NLRP2: variants seen among roughly 807,000 people sequenced by gnomAD.
NLRP2 encodes NLR family pyrin domain containing 2.
Under a neutral mutation model 97.2 loss-of-function variants are expected in NLRP2, and 107 were observed. The ratio of observed to expected loss-of-function variants is 1.10; its 90% CI spans 0.94 to 1.29. The LOEUF is 1.29. Among genes scored for constraint, NLRP2 ranks in the 50% most tolerant of loss-of-function variants. The pLI, the probability that NLRP2 is intolerant of heterozygous loss-of-function variation, is 0.00. For synonymous variants in NLRP2, 663 were observed against 551.5 expected, an observed-to-expected ratio of 1.20 and a Z score of -2.83; for missense variants, 1,495 against 1,330.3, an observed-to-expected ratio of 1.12 and a Z score of -1.93.
chr19:54,993,172 TTG>T (rs1376182972), intron 10 of NLRP2: 1 of 151,030 alleles, frequency 6.6e-6, no homozygotes, highest in African/African-American at 2.4e-5. Context: ...TGAGCTGAGA[TTG>T]TGCCACTGTA....
intron 4 of NLRP2, among the ~76,000 whole-genome samples, chr19:54,979,558 G>C (rs2071443949): frequency 6.7e-6 from 1 of 149,440 alleles, no homozygotes; most frequent in African/African-American, 2.5e-5. Context: ...ACCATGTTGG[G>C]CAGGCTGGTC....
At chr19:54,966,939 T>G (rs899712505) in intron 1 of NLRP2, among the ~76,000 whole-genome samples, 3 of 149,138 alleles carry the variant, frequency 2.0e-5, no homozygotes, top group African/African-American at 7.4e-5. Context: ...CCTCTCAGGT[T>G]CAAGCAGTCC....
intron 7 of NLRP2, among the ~76,000 whole-genome samples, chr19:54,985,900 A>T (rs1214773247): frequency 2.0e-5 from 3 of 151,662 alleles, no homozygotes; most frequent in Admixed American, 6.6e-5. Flanking sequence ...CCGGATGCTG[A>T]GGGTAGGAGT....
chr19:54,974,100 A>G, intron 2 of NLRP2: 2 of 817,526 alleles, frequency 2.4e-6, no homozygotes, highest in Non-Finnish European at 4.1e-6. Context: ...TCACGCCTGT[A>G]ATCCCAACAC....
Position 54,985,027 on chromosome 19 carries a change from C to A in NLRP2, c.2031-20C>A. On this transcript the variant is annotated intron_variant, in intron 6 of 12. Coordinates refer to ENST00000448584, the MANE Select transcript of NLRP2 (RefSeq NM_017852.5). ...TGATGGACACACATTTGGTGTAACC[C>A]TTTCTTCTCTTCCCTATAGATCCCA... The A allele has an allele frequency of 3.1e-6, 5 of 1,613,392 alleles. 1 individual carries two copies. Among genetic ancestry groups the A allele is most frequent in the Non-Finnish European group, 4.2e-6 (5 of 1,179,704 alleles).
At chr19:54,988,334 C>T (rs2072234152) in intron 8 of NLRP2, among the ~76,000 whole-genome samples, 2 of 152,142 alleles carry the variant, frequency 1.3e-5, no homozygotes, top group South Asian at 4.1e-4. Context: ...GCTCTGTCTC[C>T]TAGGCTGGAG....
In NLRP2 at chr19:54,982,593, G is replaced by T. The variant is rs779179826; in HGVS notation, c.895G>T (p.Ala299Ser). 1.2e-6 allele frequency: 2 copies of T among 1,614,172 alleles called. No homozygotes were observed. The highest frequency in any genetic ancestry group is 1.7e-6 in the Non-Finnish European group (2 of 1,180,034). The change falls in exon 6 of 13, where the codon GCG becomes TCG. Residue 299 changes from alanine (A) to serine (S), a missense_variant. Coordinates refer to ENST00000448584, the MANE Select transcript of NLRP2 (RefSeq NM_017852.5). ...TGATGAGCTGGGAGCCGCACCTGGG[G>T]CGCTGATCGAGGACATCTGCGGGGA... Reference protein sequence around the residue: ...GFDELGAAPGALIEDICGDWE... With the variant: ...GFDELGAAPGSLIEDICGDWE...
rs760857427 is a variant in NLRP2 at position 54,982,752 on chromosome 19, A to G, written c.1054A>G (p.Ile352Val). Residue 352 changes from isoleucine (I) to valine (V), a missense_variant, in exon 6 of 13, where the codon ATC becomes GTC. Physicochemically the swap from Ile to Val is conservative, Grantham distance 29. Coordinates refer to ENST00000448584, the MANE Select transcript of NLRP2 (RefSeq NM_017852.5). ...RDLRILAEEP[I>V]YIRVEGFLEE... The stretch of plus-strand genomic sequence containing the variant: ...CCTCCGGATCCTGGCGGAGGAGCCG[A>G]TCTACATAAGGGTGGAGGGCTTCCT... 1.2e-6 allele frequency: 2 copies of G among 1,614,084 alleles called. No homozygotes were observed. Among genetic ancestry groups the G allele is most frequent in the Non-Finnish European group, 1.7e-6 (2 of 1,180,008 alleles).
At chr19:54,994,228 C>CA (rs1438992953) in intron 10 of NLRP2, 41 bp from the exon 11 acceptor site, 2 of 1,611,628 alleles carry the variant, frequency 1.2e-6, no homozygotes, top group Non-Finnish European at 1.7e-6. Context: ...AGTGAGAACT[C>CA]ACAGGTTCGG....
rs776885907 is a variant in NLRP2 at position 54,982,895 on chromosome 19, G to C, written c.1197G>C (p.Ala399=). ...AALFQLGSAP[A]VCWIVCTTLK... ...TGTTCCAGCTGGGCTCGGCCCCCGC[G>C]GTGTGCTGGATCGTGTGCACGACTC... Residue 399 remains alanine (A), a synonymous_variant, in exon 6 of 13, where the codon GCG becomes GCC. Transcript: ENST00000448584. The C allele has an allele frequency of 1.9e-6, 3 of 1,613,096 alleles. No homozygotes were observed. The highest frequency in any genetic ancestry group is 3.3e-5 in the Admixed American group (2 of 60,014).
rs2071957022 is a variant in NLRP2, at chr19:54,985,033, T to C, written c.2031-14T>C. 2 of 1,613,808 alleles carry C rather than the reference T, an allele frequency of 1.2e-6. No individual in the cohort carries two copies. The highest frequency in any genetic ancestry group is 8.5e-7 in the Non-Finnish European group (1 of 1,179,912). On this transcript the variant is annotated splice_polypyrimidine_tract_variant and intron_variant, in intron 6 of 12. Coordinates refer to ENST00000448584, the MANE Select transcript of NLRP2 (RefSeq NM_017852.5). ...ACACACATTTGGTGTAACCCTTTCT[T>C]CTCTTCCCTATAGATCCCAGGATGA...
intron 4 of NLRP2, among the ~76,000 whole-genome samples, 158 bp downstream of exon 4, chr19:54,977,981 G>A (rs775900): frequency 0.27 from 40,429 of 151,980 alleles, 5,799 homozygotes; most frequent in African/African-American, 0.37. Flanking sequence ...CCTCCCTTCC[G>A]TAAGAATAGA....
Position 54,990,564 on chromosome 19 carries a change from G to T in NLRP2, c.2600G>T (p.Ser867Ile). 6.2e-7 allele frequency: 1 copy of T among 1,614,184 alleles called. No homozygotes were observed. The highest frequency in any genetic ancestry group is 8.5e-7 in the Non-Finnish European group (1 of 1,180,026). ...CKDLAAVLVV[S>I]RELTHLCLAK... The stretch of plus-strand genomic sequence containing the variant: ...GACCTTGCTGCTGTGTTGGTTGTCA[G>T]CCGGGAGCTGACACACCTGTGCTTG... Residue 867 changes from serine to isoleucine, a missense_variant, in exon 10 of 13, where the codon AGC becomes ATC. Coordinates refer to ENST00000448584, the MANE Select transcript of NLRP2 (RefSeq NM_017852.5).
chr19:54,968,414 TC>T (rs1045464625), intron 1 of NLRP2, among the ~76,000 whole-genome samples: 1 of 151,876 alleles, frequency 6.6e-6, no homozygotes, highest in Non-Finnish European at 1.5e-5. Flanking sequence ...AGCCTTAACT[TC>T]CCTGGCTCAG....
intron 12 of NLRP2, among the ~76,000 whole-genome samples, chr19:55,000,059 AAAT>A (rs2073090239): frequency 6.6e-6 from 1 of 151,986 alleles, no homozygotes; most frequent in Non-Finnish European, 1.5e-5. Context: ...TAAAAATAAA[AAAT>A]AAGCAAATCA....
rs754886821 is a variant in NLRP2 at position 54,994,447 on chromosome 19, A to T, written c.2879+8A>T. ...CAACTTGAGATGTCTGTGGTGAGTT[A>T]ACTTATAAGTTCAACTTCCTATACT... is the stretch of plus-strand genomic sequence containing the variant. On this transcript the variant is annotated splice_region_variant and intron_variant, in intron 11 of 12. Transcript: ENST00000448584. 1 of 1,612,192 alleles carries T rather than the reference A, an allele frequency of 6.2e-7. No homozygotes were observed. The highest frequency in any genetic ancestry group is 8.5e-7 in the Non-Finnish European group (1 of 1,179,900).
chr19:54,975,018 C>A (rs980703710), intron 3 of NLRP2, among the ~76,000 whole-genome samples: 2 of 148,518 alleles, frequency 1.3e-5, no homozygotes, highest in African/African-American at 4.9e-5. Flanking sequence ...CCAGGCTGGT[C>A]TTGAACTCCT....
intron 2 of NLRP2, among the ~76,000 whole-genome samples, chr19:54,972,620 G>GTA (rs769121896): frequency 7.6e-4 from 115 of 151,322 alleles, no homozygotes; most frequent in Middle Eastern, 6.8e-3. Flanking sequence ...GCTCATTCTT[G>GTA]TATATATATA....
At chr19:54,969,477 C>CAAAAAAAA (rs757668995) in intron 1 of NLRP2, among the ~76,000 whole-genome samples, 1 of 94,638 alleles carries the variant, frequency 1.1e-5, no homozygotes. Flanking sequence ...GACTCCGTCT[C>CAAAAAAAA]AAAAAAAAAA....
Sources: gnomAD v4.1 joint callset for allele counts (sites outside exome capture counted in the v4.1 genomes callset) on GRCh38, gnomAD v4.1.1 for gene constraint, MANE v1.5 for transcripts, NCBI Gene and HGNC (gene_info 2026-07-23, HGNC 2026-07-21) for gene names.